Variants in MYRIP observed in about 807,000 individuals in gnomAD.
MYRIP encodes the protein rab effector MyRIP.
In MYRIP, 49 loss-of-function variants were observed where a neutral mutation model predicts 98.0. The ratio of observed to expected loss-of-function variants is 0.50; its 90% CI spans 0.40 to 0.63. The LOEUF (loss-of-function observed/expected upper bound fraction) is 0.63, where lower values mean the gene tolerates loss of function less well. Among genes scored for constraint, MYRIP ranks in the 30% least tolerant of loss-of-function variants. MYRIP has a pLI of 0.00. For missense variants in MYRIP, 1,004 were observed against 1,058.2 expected (o/e 0.95, Z 0.71); for synonymous variants, 404 against 409.5 (o/e 0.99, Z 0.16).
chr3:39,953,137 C>G (rs915529510), intron 2 of MYRIP, among the ~76,000 whole-genome samples: 1 of 152,118 alleles, frequency 6.6e-6, no homozygotes, highest in African/African-American at 2.4e-5. Flanking sequence ...GCAAAAACTG[C>G]AGGTTTTCAT....
At chr3:40,203,123 G>T (rs1362142699) in intron 10 of MYRIP, among the ~76,000 whole-genome samples, 2 of 151,592 alleles carry the variant, frequency 1.3e-5, no homozygotes, top group Non-Finnish European at 2.9e-5. Context: ...GTAAAGACAG[G>T]GTTTCACCAT....
chr3:40,070,447 C>A (rs145372807), intron 3 of MYRIP, among the ~76,000 whole-genome samples: 1 of 152,274 alleles, frequency 6.6e-6, no homozygotes, highest in African/African-American at 2.4e-5. Flanking sequence ...CACCTGTGAG[C>A]ATGGATTACA....
At chr3:39,882,506 C>T (rs144410371) in intron 1 of MYRIP, among the ~76,000 whole-genome samples, 16 of 152,174 alleles carry the variant, frequency 1.1e-4, no homozygotes, top group African/African-American at 3.9e-4. Context: ...TTTGTCAGAA[C>T]ACAATTATGC....
intron 2 of MYRIP, among the ~76,000 whole-genome samples, chr3:40,020,074 C>T (rs912428134): frequency 7.9e-5 from 12 of 152,114 alleles, no homozygotes; most frequent in African/African-American, 2.9e-4. Context: ...ATTTGTGATA[C>T]AGATAATCCC....
chr3:39,955,414 A>G (rs1026466656), intron 2 of MYRIP, among the ~76,000 whole-genome samples: 32 of 152,304 alleles, frequency 2.1e-4, no homozygotes, highest in African/African-American at 7.7e-4. Context: ...AGAATTTCAT[A>G]TCCAGCCAAA....
chr3:39,889,292 A>G (rs576253990), intron 1 of MYRIP, among the ~76,000 whole-genome samples: 2,210 of 152,282 alleles, frequency 0.015, 16 homozygotes, highest in Non-Finnish European at 0.025. Context: ...ATGTCCAACA[A>G]CGATAGACTG....
intron 2 of MYRIP, among the ~76,000 whole-genome samples, chr3:40,032,489 A>C (rs1052230125): frequency 4.6e-5 from 7 of 152,060 alleles, no homozygotes; most frequent in South Asian, 2.1e-4. Flanking sequence ...GTGCTGAAAA[A>C]AATGTATATT....
At chr3:40,147,863 G>A (rs1559420784) in intron 3 of MYRIP, among the ~76,000 whole-genome samples, 1 of 152,146 alleles carries the variant, frequency 6.6e-6, no homozygotes, top group Non-Finnish European at 1.5e-5. Context: ...CAGATCTGCT[G>A]CATCAAATCC....
Position 39,945,489 on chromosome 3 carries a change from AAAG to A in MYRIP, c.110+44566_110+44568del, listed in dbSNP as rs1215777929. 6.8e-5 allele frequency among the ~76,000 whole-genome samples: 9 copies of A among 131,928 alleles called. 1 individual carries two copies. The highest frequency in any genetic ancestry group is 2.7e-4 in the African/African-American group (8 of 29,956). 86.5% of individuals were successfully genotyped at this position (131,928 alleles called of 152,430 possible). A position where few individuals can be genotyped will look rare whatever the true frequency, so the allele number is the denominator to read the frequency against. On this transcript the variant is annotated intron_variant, in intron 2 of 16. Transcript: ENST00000302541. ...AAGACTCCATCTCAAAAAAAAAAAA[AAAG>A]AAAAAAGAAAAAAAAAGAATGTATC...
At chr3:40,173,079 T>C (rs1427472406) in intron 8 of MYRIP, 1 of 152,220 alleles carries the variant, frequency 6.6e-6, no homozygotes, top group African/African-American at 2.4e-5. Flanking sequence ...CACAAAAAGC[T>C]TAAACAGTAA....
chr3:39,870,654 A>T (rs1942761053), intron 1 of MYRIP, among the ~76,000 whole-genome samples: 1 of 152,220 alleles, frequency 6.6e-6, no homozygotes. Context: ...CAAAATATAA[A>T]CTTGGATGCA....
At chr3:40,000,750 C>G (rs1266199701) in intron 2 of MYRIP, among the ~76,000 whole-genome samples, 1 of 152,084 alleles carries the variant, frequency 6.6e-6, no homozygotes, top group East Asian at 1.9e-4. Flanking sequence ...TAACCCATCC[C>G]CATTCGCTGG....
chr3:40,143,971 T>C (rs1208622908), intron 3 of MYRIP, among the ~76,000 whole-genome samples: 1 of 152,214 alleles, frequency 6.6e-6, no homozygotes, highest in African/African-American at 2.4e-5. Flanking sequence ...TTCATTAAAA[T>C]ATTTCGGAAT....
intron 2 of MYRIP, among the ~76,000 whole-genome samples, chr3:40,023,859 A>G (rs143866383): frequency 6.6e-6 from 1 of 152,314 alleles, no homozygotes; most frequent in African/African-American, 2.4e-5. Context: ...CTCCTTTTTC[A>G]AAATGATAAT....
intron 10 of MYRIP, among the ~76,000 whole-genome samples, chr3:40,206,069 C>T (rs1023586503): frequency 2.0e-5 from 3 of 152,066 alleles, no homozygotes; most frequent in Admixed American, 6.6e-5. Flanking sequence ...GAAAAGTGTG[C>T]GTGCATACCA....
chr3:40,007,390 C>T (rs1946658184), intron 2 of MYRIP, among the ~76,000 whole-genome samples: 1 of 151,780 alleles, frequency 6.6e-6, no homozygotes, highest in Non-Finnish European at 1.5e-5. Flanking sequence ...AACAGGCGAT[C>T]CAATGAGGAA....
At chr3:39,904,402 A>G (rs1307331758) in intron 2 of MYRIP, among the ~76,000 whole-genome samples, 1 of 151,994 alleles carries the variant, frequency 6.6e-6, no homozygotes, top group Non-Finnish European at 1.5e-5. Flanking sequence ...CACCTGGCCA[A>G]TTTTTTGTAT....
intron 1 of MYRIP, among the ~76,000 whole-genome samples, chr3:39,857,255 G>GGAAGGAAGGAAGGAAAGAAGGA (rs545371213): frequency 8.8e-5 from 12 of 135,860 alleles, no homozygotes; most frequent in African/African-American, 2.4e-4. Flanking sequence ...GGGAGGGAGG[G>GGAAGGAAGGAAGGAAAGAAGGA]AGGAAGGAAG....
intron 1 of MYRIP, among the ~76,000 whole-genome samples, chr3:39,827,271 C>G (rs1033298561): frequency 6.6e-6 from 1 of 152,056 alleles, no homozygotes; most frequent in Admixed American, 6.5e-5. Context: ...TGCCACCATG[C>G]CCAGCTTTTT....
Sources: gnomAD v4.1 joint callset for allele counts (sites outside exome capture counted in the v4.1 genomes callset) on GRCh38, gnomAD v4.1.1 for gene constraint, MANE v1.5 for transcripts, NCBI Gene and HGNC (gene_info 2026-07-23, HGNC 2026-07-21) for gene names.